The following EML4 variants were observed in gnomAD, a reference collection of about 807,000 sequenced individuals.
EML4 encodes the protein EMAP like 4, also known as echinoderm microtubule-associated protein-like 4.
A neutral mutation model predicts 129.0 loss-of-function variants in EML4; 72 were observed. The observed-to-expected ratio is 0.56, with a 90% CI of 0.46 to 0.68. The LOEUF (loss-of-function observed/expected upper bound fraction) is 0.68, where lower values mean the gene tolerates loss of function less well. Ranked by LOEUF, EML4 falls within the 30% of genes least tolerant of loss-of-function variation. EML4 has a pLI of 0.00. For synonymous variants in EML4, 532 were observed against 405.0 expected (o/e 1.31, Z -3.77); for missense variants, 1,363 against 1,190.6 (o/e 1.14, Z -2.13).
intron 11 of EML4, among the ~76,000 whole-genome samples, chr2:42,294,784 A>G (rs1485294227): frequency 2.0e-5 from 3 of 152,198 alleles, no homozygotes; most frequent in Non-Finnish European, 2.9e-5. Context: ...TTTCAATACA[A>G]ATAGCAGTGT....
intron 1 of EML4, among the ~76,000 whole-genome samples, chr2:42,241,286 G>C (rs1675012879): frequency 6.6e-6 from 1 of 152,172 alleles, no homozygotes. Context: ...CAGGATTTTA[G>C]ACAGGAAGGA....
chr2:42,208,434 CT>C (rs1302626845), intron 1 of EML4, among the ~76,000 whole-genome samples: 1 of 147,798 alleles, frequency 6.8e-6, no homozygotes, highest in Non-Finnish European at 1.5e-5. Context: ...AATTTTTTTT[CT>C]TTTCTTTTCT....
intron 1 of EML4, among the ~76,000 whole-genome samples, chr2:42,220,209 C>T (rs1267840797): frequency 1.3e-5 from 2 of 149,226 alleles, no homozygotes; most frequent in Non-Finnish European, 3.0e-5. Context: ...TATTGTGCTT[C>T]ATACTCTTGC....
At chr2:42,183,008 T>C (rs1157165579) in intron 1 of EML4, among the ~76,000 whole-genome samples, 1 of 152,034 alleles carries the variant, frequency 6.6e-6, no homozygotes, top group East Asian at 1.9e-4. Context: ...TACAAAAAAT[T>C]AGCCAGGCAT....
At chr2:42,271,612 A>T (rs536837420) in intron 6 of EML4, among the ~76,000 whole-genome samples, 97 of 152,316 alleles carry the variant, frequency 6.4e-4, no homozygotes, top group African/African-American at 2.3e-3. Context: ...CTGGACATCA[A>T]GTATATGACT....
chr2:42,222,120 A>C (rs747568778), intron 1 of EML4, among the ~76,000 whole-genome samples: 3 of 152,088 alleles, frequency 2.0e-5, no homozygotes, highest in Non-Finnish European at 4.4e-5. Context: ...GTGATTTCTG[A>C]TTATGGAGAA....
intron 1 of EML4, among the ~76,000 whole-genome samples, chr2:42,228,655 C>T (rs1214530349): frequency 1.3e-5 from 2 of 152,124 alleles, no homozygotes; most frequent in Non-Finnish European, 2.9e-5. Flanking sequence ...TAACTTGCTC[C>T]AGAGACCAGG....
At position 42,282,987 on chromosome 2, in the gene EML4, A is replaced by G. The variant is rs750994344; in HGVS notation, c.941+15A>G. 1 of 1,574,482 alleles carries G rather than the reference A, an allele frequency of 6.4e-7. No homozygotes were observed. Among genetic ancestry groups the G allele is most frequent in the Non-Finnish European group, 8.6e-7 (1 of 1,164,004 alleles). ...TGTGTGAAATGGTTGGTATCATTTA[A>G]CATTGGTTCATTTTTGTTCTTTCAG... On this transcript the variant is annotated intron_variant, in intron 8 of 22. Coordinates refer to ENST00000318522, the MANE Select transcript of EML4 (RefSeq NM_019063.5).
At chr2:42,177,286 G>C (rs1438821850) in intron 1 of EML4, among the ~76,000 whole-genome samples, 1 of 151,082 alleles carries the variant, frequency 6.6e-6, no homozygotes, top group African/African-American at 2.4e-5. Flanking sequence ...GACATTTGAA[G>C]ACCAAAAGAT....
At chr2:42,317,815 T>C (rs904143976) in intron 19 of EML4, among the ~76,000 whole-genome samples, 6 of 152,136 alleles carry the variant, frequency 3.9e-5, no homozygotes, top group African/African-American at 1.2e-4. Flanking sequence ...TTTTTGAAAA[T>C]TGAATGAGTC....
At chr2:42,266,026 A>G (rs533134672) in intron 6 of EML4, among the ~76,000 whole-genome samples, 2 of 152,288 alleles carry the variant, frequency 1.3e-5, no homozygotes, top group African/African-American at 2.4e-5. Flanking sequence ...GCTCATTTCT[A>G]TGTTTCATAG....
chr2:42,293,872 A>G (rs1327478973), intron 11 of EML4, among the ~76,000 whole-genome samples: 1 of 152,140 alleles, frequency 6.6e-6, no homozygotes, highest in African/African-American at 2.4e-5. Flanking sequence ...GCCTCCCAAA[A>G]TGTTGGGATT....
intron 11 of EML4, among the ~76,000 whole-genome samples, chr2:42,292,072 C>A (rs1040809962): frequency 6.6e-6 from 1 of 152,194 alleles, no homozygotes; most frequent in East Asian, 1.9e-4. Flanking sequence ...ATTATCTCTT[C>A]AGTTCTTAGG....
At position 42,325,778 on chromosome 2, in the gene EML4, C is replaced by G. The variant is rs75600939; in HGVS notation, c.2242+224C>G. 2.6e-4 allele frequency among the ~76,000 whole-genome samples: 39 copies of G among 151,306 alleles called. 1 individual carries two copies. The East Asian group carries it at 7.2e-3, about 28-fold the overall frequency. On this transcript the variant is annotated intron_variant, in intron 20 of 22. Transcript: ENST00000318522. ...GGTAATGAGAATCTCAAATGTGATT[C>G]ACTTCTCCAAGAGTAATGAATTAAT...
chr2:42,208,153 A>G (rs1237702038), intron 1 of EML4: 1 of 152,038 alleles, frequency 6.6e-6, no homozygotes, highest in Non-Finnish European at 1.5e-5. Flanking sequence ...CTTCCTGGCC[A>G]CTCTGGGAGG....
intron 2 of EML4, 142 bp from the exon 3 acceptor site, chr2:42,256,359 A>G: frequency 2.8e-6 from 2 of 714,992 alleles, no homozygotes; most frequent in Non-Finnish European, 4.5e-6. Context: ...CCATGGGGGC[A>G]TTCTGCTCAA....
intron 1 of EML4, among the ~76,000 whole-genome samples, chr2:42,174,058 C>G (rs1670431668): frequency 6.6e-6 from 1 of 152,050 alleles, no homozygotes; most frequent in Non-Finnish European, 1.5e-5. Flanking sequence ...AGTTTAAATT[C>G]TAGGGAGTCT....
intron 1 of EML4, among the ~76,000 whole-genome samples, chr2:42,180,768 G>T (rs1210587639): frequency 6.6e-6 from 1 of 152,164 alleles, no homozygotes; most frequent in African/African-American, 2.4e-5. Context: ...ACCCATTCTA[G>T]TTTCACTAAT....
intron 2 of EML4, among the ~76,000 whole-genome samples, chr2:42,253,861 A>G (rs772594085): frequency 4.5e-4 from 68 of 152,220 alleles, no homozygotes; most frequent in Non-Finnish European, 7.6e-4. Context: ...TTTGACAAAG[A>G]TTTCATAAGT....
Sources: allele counts gnomAD v4.1 joint callset (sites outside exome capture counted in the v4.1 genomes callset), GRCh38; gene constraint gnomAD v4.1.1; transcripts MANE v1.5; gene names NCBI Gene and HGNC (gene_info 2026-07-23, HGNC 2026-07-21).